Variants in MEGF8 observed in about 807,000 individuals in gnomAD.
MEGF8 encodes the protein multiple EGF like domains 8.
A neutral mutation model predicts 302.9 loss-of-function variants in MEGF8; 156 were observed. The observed-to-expected ratio is 0.52, with a 90% confidence interval of 0.45 to 0.59. The LOEUF (loss-of-function observed/expected upper bound fraction) is 0.59, where lower values mean the gene tolerates loss of function less well. MEGF8 is among the 20% of genes least tolerant of loss of function. The probability of loss-of-function intolerance (pLI) is 0.00; values close to 1 mark genes in which losing one functional copy is unlikely to be tolerated. For missense variants in MEGF8, 3,345 were observed against 3,964.5 expected (o/e 0.84, Z 4.20); for synonymous variants, 1,621 against 1,660.5 (o/e 0.98, Z 0.58).
chr19:42,328,793 C>A (rs796789647), intron 1 of MEGF8, among the ~76,000 whole-genome samples: 6 of 151,876 alleles, frequency 4.0e-5, no homozygotes, highest in Admixed American at 3.9e-4. Flanking sequence ...AAAATTAGCC[C>A]TGCGTGGTGG....
Position 42,354,120 on chromosome 19 carries a change from T to G in MEGF8, c.4011+96T>G, listed in dbSNP as rs1370028654. The G allele has an allele frequency of 1.2e-5, 15 of 1,231,346 alleles. No individual in the cohort carries two copies. The Admixed American group carries it at 2.4e-4, about 20-fold the overall frequency. 76.3% of individuals were successfully genotyped at this position (1,231,346 alleles called of 1,614,324 possible). On this transcript the variant is annotated intron_variant, in intron 22 of 41. Transcript: ENST00000251268. The surrounding 1 kb of genome is among the most constrained non-coding windows in gnomAD (Gnocchi z 4.3). Reference sequence around the variant, plus strand: ...CAGACCCTGACCCTAGTATTGCTGTTTTTTTTTTTTTGTTTTTTTAATCCT... The same window carrying G: ...CAGACCCTGACCCTAGTATTGCTGTGTTTTTTTTTTTGTTTTTTTAATCCT...
chr19:42,362,148 C>G lies in MEGF8; in HGVS notation c.5779C>G (p.Arg1927Gly), dbSNP rs368438075. 6.2e-7 allele frequency: 1 copy of G among 1,611,676 alleles called. No individual in the cohort carries two copies. The highest frequency in any genetic ancestry group is 1.7e-5 in the Admixed American group (1 of 59,700). The stretch of plus-strand genomic sequence containing the variant: ...GCCTCGCTCCCCGGAGGAATGTCGA[C>G]GTCTCCGGACCTGCAGTGAGTGCCT... ...PMPRSPEECR[R>G]LRTCSECLAR... The change falls in exon 33 of 42, where the codon CGT becomes GGT. Residue 1927 changes from arginine to glycine, a missense_variant. Arg to Gly is a moderately radical substitution (Grantham distance 125, BLOSUM62 -2). Coordinates refer to ENST00000251268, the MANE Select transcript of MEGF8 (RefSeq NM_001271938.2).
intron 8 of MEGF8, among the ~76,000 whole-genome samples, chr19:42,340,066 C>CA (rs933249076): frequency 3.3e-5 from 5 of 151,904 alleles, no homozygotes; most frequent in African/African-American, 1.2e-4. Context: ...CCCAAAAAAA[C>CA]AAAAACAAAA....
chr19:42,377,447 T>C lies in MEGF8; in HGVS notation c.*672T>C, dbSNP rs1165653101. ...TTATTCTCAGGGCAATGGGAAGCTGTTGGATGGTTTGATGAAGGGGAGTGA... is the reference window on the plus strand; with the variant it reads ...TTATTCTCAGGGCAATGGGAAGCTGCTGGATGGTTTGATGAAGGGGAGTGA... On this transcript the variant is annotated 3_prime_UTR_variant, in exon 42 of 42. Transcript: ENST00000251268. The C allele has an allele frequency of 6.6e-6, 1 of 152,534 alleles. No individual in the cohort carries two copies. Among genetic ancestry groups the C allele is most frequent in the Non-Finnish European group, 1.5e-5 (1 of 68,068 alleles). 9.4% of individuals were successfully genotyped at this position (152,534 alleles called of 1,614,324 possible).
At chr19:42,359,387 C>G (rs2039500075) in intron 31 of MEGF8, 145 bp downstream of exon 31, 1 of 640,450 alleles carries the variant, frequency 1.6e-6, no homozygotes, top group Admixed American at 3.9e-5. Context: ...ATCTGAACAC[C>G]AGGACATGCC....
Position 42,356,120 on chromosome 19 carries a change from G to A in MEGF8, c.4430G>A (p.Gly1477Asp), listed in dbSNP as rs865956745. ...GVCICAEGFGGPDCATKLDGG... is the reference protein window; with the variant it reads ...GVCICAEGFGDPDCATKLDGG... ...TGCATCTGTGCCGAGGGCTTCGGGG[G>A]CCCCGACTGCGCCACCAAGCTGGAT... Residue 1477 changes from glycine (G) to aspartate (D), a missense_variant, in exon 25 of 42, where the codon GGC (glycine) becomes GAC (aspartate). Physicochemically the swap from Gly to Asp is moderately conservative, Grantham distance 94. Coordinates refer to ENST00000251268, the MANE Select transcript of MEGF8 (RefSeq NM_001271938.2). This position sits in a 1 kb window ranked among gnomAD's most constrained non-coding sequence, Gnocchi z 5.2. 1.3e-6 allele frequency: 2 copies of A among 1,582,600 alleles called. No individual in the cohort carries two copies. The highest frequency in any genetic ancestry group is 1.8e-5 in the Admixed American group (1 of 56,678).
chr19:42,372,142 T>C (rs851296), intron 41 of MEGF8, among the ~76,000 whole-genome samples: 12,721 of 152,118 alleles, frequency 0.084, 676 homozygotes, highest in Middle Eastern at 0.17. Context: ...ACTGAGGGTC[T>C]GGGGTCTGCC....
chr19:42,369,851 T>G lies in MEGF8; in HGVS notation c.6834+128T>G. On this transcript the variant is annotated intron_variant, in intron 38 of 41. Coordinates refer to ENST00000251268, the MANE Select transcript of MEGF8 (RefSeq NM_001271938.2). The surrounding 1 kb of genome is among the most constrained non-coding windows in gnomAD (Gnocchi z 5.7). ...GCCAGGGACAGATAAGCCAGAGCCC[T>G]GTCCCAGGGAGATGTGTGGAGACTT... is the stretch of plus-strand genomic sequence containing the variant. The G allele has an allele frequency of 9.0e-7, 1 of 1,109,256 alleles. No individual in the cohort carries two copies. The allele number at this position is 1,109,256 out of a possible 1,614,324, so 68.7% of individuals were successfully genotyped here.
chr19:42,348,245 C>T (rs1296827181), intron 12 of MEGF8, 27 bp from the exon 13 acceptor site: 1 of 1,528,318 alleles, frequency 6.5e-7, no homozygotes. Flanking sequence ...AAGGGACTCA[C>T]ACATACACCC....
rs1266763226 is a variant in MEGF8 at position 42,356,252 on chromosome 19, C to T, written c.4503+59C>T. ...TGCTCCCAGGTCGTTCTCCCACCTC[C>T]ATTCCTGGGACCACCCCTACACCCA... On this transcript the variant is annotated intron_variant, in intron 25 of 41. Transcript: ENST00000251268. This position sits in a 1 kb window ranked among gnomAD's most constrained non-coding sequence, Gnocchi z 5.2. 1.0e-5 allele frequency: 16 copies of T among 1,525,112 alleles called. No individual in the cohort carries two copies. Among genetic ancestry groups the T allele is most frequent in the Non-Finnish European group, 1.4e-5 (16 of 1,132,270 alleles). The allele number at this position is 1,525,112 out of a possible 1,614,324, so 94.5% of individuals were successfully genotyped here. A position where few individuals can be genotyped will look rare whatever the true frequency, so the allele number is the denominator to read the frequency against.
At chr19:42,349,038 A>C (rs2039330482) in intron 13 of MEGF8, among the ~76,000 whole-genome samples, 1 of 152,126 alleles carries the variant, frequency 6.6e-6, no homozygotes, top group Non-Finnish European at 1.5e-5. Flanking sequence ...GGAGGTGTAC[A>C]CCTGTAATCC....
rs1191309745 is a variant in MEGF8 at position 42,356,137 on chromosome 19, A to G, written c.4447A>G (p.Lys1483Glu). The G allele has an allele frequency of 6.3e-7, 1 of 1,579,138 alleles. No individual in the cohort carries two copies. The highest frequency in any genetic ancestry group is 1.8e-5 in the Admixed American group (1 of 55,810). ...EGFGGPDCAT[K>E]LDGGQLVWET... The stretch of plus-strand genomic sequence containing the variant: ...CTTCGGGGGCCCCGACTGCGCCACC[A>G]AGCTGGATGGCGGGCAGCTGGTCTG... The change falls in exon 25 of 42, where the codon AAG (lysine) becomes GAG (glutamate). Residue 1483 changes from lysine (K) to glutamate (E), a missense_variant. Coordinates refer to ENST00000251268, the MANE Select transcript of MEGF8 (RefSeq NM_001271938.2). The surrounding 1 kb of genome is among the most constrained non-coding windows in gnomAD (Gnocchi z 5.2).
At chr19:42,359,837 C>A (rs1169731834) in intron 31 of MEGF8, among the ~76,000 whole-genome samples, 1 of 151,602 alleles carries the variant, frequency 6.6e-6, no homozygotes. Flanking sequence ...TACAGGCATG[C>A]CACCACGCCT....
At chr19:42,333,490 C>G (rs2039081038) in intron 1 of MEGF8, 115 bp from the exon 2 acceptor site, 2 of 1,212,358 alleles carry the variant, frequency 1.6e-6, no homozygotes, top group African/African-American at 3.0e-5. Context: ...CTGACTCATT[C>G]TTGAGCCCCC....
At position 42,355,889 on chromosome 19, in the gene MEGF8, G is replaced by A. The variant is rs746486631; in HGVS notation, c.4276G>A (p.Gly1426Ser). 1.2e-5 allele frequency: 19 copies of A among 1,581,958 alleles called. No homozygotes were observed. The highest frequency in any genetic ancestry group is 1.7e-4 in the Middle Eastern group (1 of 6,046). Residue 1426 changes from glycine (G) to serine (S), a missense_variant, in exon 24 of 42, where the codon GGT becomes AGT. Gly to Ser is a moderately conservative substitution (Grantham distance 56). Coordinates refer to ENST00000251268, the MANE Select transcript of MEGF8 (RefSeq NM_001271938.2). ...PVPQECVPQD[G>S]AAGAGLCRCP... Reference sequence around the variant, plus strand: ...CCCCCAGGAATGCGTGCCCCAGGACGGTGCTGCAGGTGCGGGGCTCTGCCG... The same window carrying A: ...CCCCCAGGAATGCGTGCCCCAGGACAGTGCTGCAGGTGCGGGGCTCTGCCG...
intron 9 of MEGF8, 40 bp downstream of exon 9, chr19:42,343,671 G>C (rs370760011): frequency 6.4e-7 from 1 of 1,554,336 alleles, no homozygotes; most frequent in Non-Finnish European, 8.7e-7. Context: ...GCTGGGGGGA[G>C]GAGGTAGCAG....
chr19:42,369,916 C>T lies in MEGF8; in HGVS notation c.6834+193C>T, dbSNP rs2039662033. Among the ~76,000 whole-genome samples, 1 of 152,200 alleles carries T rather than the reference C, an allele frequency of 6.6e-6. No individual in the cohort carries two copies. Among genetic ancestry groups the T allele is most frequent in the Non-Finnish European group, 1.5e-5 (1 of 68,034 alleles). ...GGGTTTGGATCCCAGAGGGTCTGCC[C>T]TGGAATAGTGGACGGAGTGGGTGCT... On this transcript the variant is annotated intron_variant, in intron 38 of 41. Coordinates refer to ENST00000251268, the MANE Select transcript of MEGF8 (RefSeq NM_001271938.2). This position sits in a 1 kb window ranked among gnomAD's most constrained non-coding sequence, Gnocchi z 5.7.
rs1457806001 is a variant in MEGF8, at chr19:42,360,830, A to G, written c.5544A>G (p.Ala1848=). 1.2e-6 allele frequency: 2 copies of G among 1,609,198 alleles called. No individual in the cohort carries two copies. Among genetic ancestry groups the G allele is most frequent in the African/African-American group, 2.7e-5 (2 of 74,888 alleles). ...MEESVAHAVA[A]VGSRLYISGG... The stretch of plus-strand genomic sequence containing the variant: ...AGTCTGTGGCCCATGCTGTGGCAGC[A>G]GTCGGGAGCCGCCTGTATATCTCTG... Residue 1848 remains alanine, a synonymous_variant, in exon 32 of 42, where the codon GCA becomes GCG. Coordinates refer to ENST00000251268, the MANE Select transcript of MEGF8 (RefSeq NM_001271938.2).
At chr19:42,365,997 G>A (rs184033426) in intron 35 of MEGF8, among the ~76,000 whole-genome samples, 3 of 151,460 alleles carry the variant, frequency 2.0e-5, no homozygotes, top group East Asian at 2.0e-4. Context: ...CAGGAGAGTC[G>A]CTTGAACCTG....
Sources: gnomAD v4.1 joint callset for allele counts (sites outside exome capture counted in the v4.1 genomes callset) on GRCh38, gnomAD v4.1.1 for gene constraint, Gnocchi (gnomAD v3.1) non-coding constraint, MANE v1.5 for transcripts, NCBI Gene and HGNC (gene_info 2026-07-23, HGNC 2026-07-21) for gene names.